DIP2C: variants seen among roughly 807,000 people sequenced by gnomAD.
The protein encoded by DIP2C is disco-interacting protein 2 homolog C.
A neutral mutation model predicts 192.4 loss-of-function variants in DIP2C; 33 were observed. That is an observed-to-expected ratio of 0.17 (90% CI 0.13 to 0.23). The LOEUF (loss-of-function observed/expected upper bound fraction) is 0.23, where lower values mean the gene tolerates loss of function less well. DIP2C is among the 10% of genes least tolerant of loss of function. DIP2C has a pLI of 1.00. For missense variants in DIP2C, 1,537 were observed against 2,110.1 expected, an observed-to-expected ratio of 0.73 and a Z score of 5.32; for synonymous variants, 979 against 864.1, an observed-to-expected ratio of 1.13 and a Z score of -2.33.
intron 29 of DIP2C, among the ~76,000 whole-genome samples, chr10:335,976 G>A (rs142416281): frequency 7.4e-4 from 113 of 152,228 alleles, no homozygotes; most frequent in African/African-American, 2.6e-3. Context: ...TCAGCTTACT[G>A]CAACCTCAAC....
At chr10:535,851 T>C (rs1847665119) in intron 1 of DIP2C, among the ~76,000 whole-genome samples, 1 of 152,240 alleles carries the variant, frequency 6.6e-6, no homozygotes, top group Admixed American at 6.5e-5. Context: ...TGCAGTGTAC[T>C]CTGAGAATTA....
chr10:407,107 A>G (rs1448945227), intron 9 of DIP2C, among the ~76,000 whole-genome samples: 1 of 152,200 alleles, frequency 6.6e-6, no homozygotes, highest in African/African-American at 2.4e-5. Context: ...AGTCTCCCGC[A>G]CAGCCAGCTC....
intron 1 of DIP2C, among the ~76,000 whole-genome samples, chr10:606,089 CG>C (rs2131729541): frequency 6.6e-6 from 1 of 152,334 alleles, no homozygotes; most frequent in Non-Finnish European, 1.5e-5. Context: ...GCGTGGAGAC[CG>C]GGAAGCACCA....
intron 22 of DIP2C, among the ~76,000 whole-genome samples, chr10:358,942 TG>T (rs536861418): frequency 6.2e-4 from 94 of 151,962 alleles, no homozygotes; most frequent in African/African-American, 2.2e-3. Context: ...GCCTAATCCT[TG>T]GTTTGAAGGC....
intron 1 of DIP2C, among the ~76,000 whole-genome samples, chr10:603,539 T>C (rs1233597983): frequency 6.6e-6 from 1 of 152,126 alleles, no homozygotes; most frequent in Non-Finnish European, 1.5e-5. Flanking sequence ...GACCATACTG[T>C]GATCGAAATC....
chr10:461,726 A>G (rs1031315306), intron 3 of DIP2C, among the ~76,000 whole-genome samples: 1 of 152,228 alleles, frequency 6.6e-6, no homozygotes, highest in African/African-American at 2.4e-5. Context: ...TCAATAGGAT[A>G]TACCTTCTTC....
chr10:591,296 CAT>C (rs1851390476), intron 1 of DIP2C, among the ~76,000 whole-genome samples: 2 of 151,960 alleles, frequency 1.3e-5, no homozygotes, highest in Admixed American at 1.3e-4. Context: ...GGCTAATATT[CAT>C]ATTTTCAGTA....
intron 18 of DIP2C, among the ~76,000 whole-genome samples, chr10:366,902 T>A (rs757663080): frequency 6.6e-6 from 1 of 152,212 alleles, no homozygotes; most frequent in Non-Finnish European, 1.5e-5. Flanking sequence ...AAGTTCTCAC[T>A]GGTCTGTGCC....
intron 1 of DIP2C, among the ~76,000 whole-genome samples, chr10:670,163 CACATGCATGAACATGTACACGTGTGT>C: frequency 6.6e-6 from 1 of 152,050 alleles, no homozygotes; most frequent in Non-Finnish European, 1.5e-5. Flanking sequence ...TGCACGTGCG[CACATGCATGAACATGTACACGTGTGT>C]ACATGTGTGC....
chr10:386,971 G>A (rs190947581), intron 14 of DIP2C, among the ~76,000 whole-genome samples: 104 of 152,218 alleles, frequency 6.8e-4, no homozygotes, highest in African/African-American at 2.2e-3. Flanking sequence ...CAGGGCACTC[G>A]TGACTGTGAG....
At chr10:529,319 G>C (rs1206185688) in intron 1 of DIP2C, among the ~76,000 whole-genome samples, 1 of 149,820 alleles carries the variant, frequency 6.7e-6, no homozygotes, top group East Asian at 1.9e-4. Flanking sequence ...TCACAGAGCT[G>C]AAAGTGCTCT....
intron 3 of DIP2C, among the ~76,000 whole-genome samples, chr10:444,300 GCAC>G (rs879424484): frequency 0.15 from 22,073 of 151,538 alleles, 4,929 homozygotes; most frequent in African/African-American, 0.44. Flanking sequence ...GTGTTCCTTG[GCAC>G]TGTTCCGTCA....
At chr10:520,262 G>A (rs1387674765) in intron 1 of DIP2C, among the ~76,000 whole-genome samples, 1 of 152,102 alleles carries the variant, frequency 6.6e-6, no homozygotes, top group African/African-American at 2.4e-5. Flanking sequence ...CGCGCTCTGG[G>A]CAGAACCTCA....
intron 1 of DIP2C, among the ~76,000 whole-genome samples, chr10:610,906 A>C (rs1452676745): frequency 3.2e-5 from 4 of 126,630 alleles, no homozygotes; most frequent in African/African-American, 6.4e-5. Context: ...CCCTGGTGGG[A>C]GGTGACTGAC....
chr10:396,857 T>TGGGG (rs869247968), intron 10 of DIP2C, among the ~76,000 whole-genome samples: 17 of 74,590 alleles, frequency 2.3e-4, no homozygotes, highest in Non-Finnish European at 4.2e-4. Flanking sequence ...GCAAATCCGG[T>TGGGG]GGGGGGGAAA....
chr10:524,782 A>G (rs1252105708), intron 1 of DIP2C, among the ~76,000 whole-genome samples: 1 of 152,154 alleles, frequency 6.6e-6, no homozygotes, highest in Non-Finnish European at 1.5e-5. Flanking sequence ...TAGTTTAAGC[A>G]TTAGGGAGTT....
At position 325,640 on chromosome 10, in the gene DIP2C, C is replaced by T. The variant is rs1006849961; in HGVS notation, c.3924+1366G>A. Among the ~76,000 whole-genome samples the T allele has an allele frequency of 9.9e-5, 15 of 151,976 alleles. No homozygotes were observed. The East Asian group carries it at 1.7e-3, about 18-fold the overall frequency. ...CTATTTCTCCTAATGGGATAGATGG[C>T]GATAAACATTTATGAGGAACAGAAA... On this transcript the variant is annotated intron_variant, in intron 31 of 36. Coordinates refer to ENST00000280886, the MANE Select transcript of DIP2C (RefSeq NM_014974.3).
At chr10:501,598 TAATC>T (rs975506821) in intron 1 of DIP2C, among the ~76,000 whole-genome samples, 59 of 151,982 alleles carry the variant, frequency 3.9e-4, no homozygotes, top group African/African-American at 1.4e-3. Context: ...AAAAGGTCAA[TAATC>T]AAAGTGCAAA....
intron 1 of DIP2C, among the ~76,000 whole-genome samples, chr10:679,438 C>A (rs1354177021): frequency 1.0e-5 from 1 of 97,156 alleles, no homozygotes; most frequent in African/African-American, 4.6e-5. Context: ...TCTGTACTCC[C>A]CACACCCAGG....
Sources: allele counts gnomAD v4.1 joint callset (sites outside exome capture counted in the v4.1 genomes callset), GRCh38; gene constraint gnomAD v4.1.1; transcripts MANE v1.5; gene names NCBI Gene and HGNC (gene_info 2026-07-23, HGNC 2026-07-21).